The following WWOX variants were observed in gnomAD, a reference collection of about 807,000 sequenced individuals.
The protein encoded by WWOX is WW domain-containing oxidoreductase.
Under a neutral mutation model 46.2 loss-of-function variants are expected in WWOX, and 69 were observed. That is an observed-to-expected ratio of 1.49 (90% confidence interval 1.23 to 1.82). The LOEUF (loss-of-function observed/expected upper bound fraction) is 1.82. WWOX is among the 40% of genes most tolerant of loss of function. The probability of loss-of-function intolerance (pLI) is 0.00; values close to 1 mark genes in which losing one functional copy is unlikely to be tolerated. For synonymous variants in WWOX, 359 were observed against 202.6 expected (o/e 1.77, Z -6.56); for missense variants, 919 against 542.6 (o/e 1.69, Z -6.89).
chr16:78,309,943 T>C (rs548733608), intron 5 of WWOX, among the ~76,000 whole-genome samples: 25 of 152,226 alleles, frequency 1.6e-4, no homozygotes, highest in Admixed American at 4.6e-4. Context: ...AGGATTAAAT[T>C]AGGTTATATG....
At chr16:78,701,271 C>G (rs1031745393) in intron 8 of WWOX, among the ~76,000 whole-genome samples, 1 of 152,084 alleles carries the variant, frequency 6.6e-6, no homozygotes, top group African/African-American at 2.4e-5. Flanking sequence ...AAGACAGGGT[C>G]TTGTTATGTT....
chr16:78,942,753 T>C (rs1003501999), intron 8 of WWOX, among the ~76,000 whole-genome samples: 3 of 152,136 alleles, frequency 2.0e-5, no homozygotes, highest in African/African-American at 7.2e-5. Context: ...TTTTGAGACA[T>C]CATTGTGCAG....
At chr16:78,336,952 G>C (rs980553003) in intron 5 of WWOX, among the ~76,000 whole-genome samples, 3 of 151,816 alleles carry the variant, frequency 2.0e-5, no homozygotes, top group Non-Finnish European at 1.5e-5. Flanking sequence ...CTAATTTTTT[G>C]TATTTTTTAG....
Position 78,115,523 on chromosome 16 carries a change from A to G in WWOX, c.409+369A>G, listed in dbSNP as rs945064234. 3.3e-5 allele frequency among the ~76,000 whole-genome samples: 5 copies of G among 152,232 alleles called. No individual in the cohort carries two copies. The South Asian group carries it at 6.2e-4, about 19-fold the overall frequency. Reference sequence around the variant, plus strand: ...ATTGATTGGTAATAGAATACGGGGAACAACAAGGTATTATGTCTTTGGAAC... The same window carrying G: ...ATTGATTGGTAATAGAATACGGGGAGCAACAAGGTATTATGTCTTTGGAAC... On this transcript the variant is annotated intron_variant, in intron 4 of 8. Transcript: ENST00000566780.
chr16:78,937,415 A>T (rs1291065953), intron 8 of WWOX, among the ~76,000 whole-genome samples: 3 of 148,090 alleles, frequency 2.0e-5, no homozygotes, highest in African/African-American at 7.5e-5. Context: ...GAGGTGCTAA[A>T]CATACCTTTA....
chr16:78,928,178 AACTATGCTTTTCCCTACCACTTTTCTTTT>A (rs1392105922), intron 8 of WWOX, among the ~76,000 whole-genome samples: 1 of 151,508 alleles, frequency 6.6e-6, no homozygotes, highest in Non-Finnish European at 1.5e-5. Flanking sequence ...AAGTGTTTGG[AACTATGCTTTTCCCTACCACTTTTCTTTT>A]TTTTTTTTTT....
chr16:79,189,354 C>A (rs372800588), intron 8 of WWOX, among the ~76,000 whole-genome samples: 2 of 151,512 alleles, frequency 1.3e-5, no homozygotes, highest in African/African-American at 4.9e-5. Context: ...ACTTCCCAGG[C>A]TTAGGTGATC....
At chr16:79,077,319 G>C (rs192938537) in intron 8 of WWOX, 2 of 152,224 alleles carry the variant, frequency 1.3e-5, no homozygotes, top group East Asian at 3.9e-4. Context: ...GAATTTCAGC[G>C]TGGAACAGGG....
chr16:78,675,578 C>A (rs2047577081), intron 8 of WWOX, among the ~76,000 whole-genome samples: 1 of 152,154 alleles, frequency 6.6e-6, no homozygotes, highest in African/African-American at 2.4e-5. Context: ...GATGGCTCCA[C>A]AGAGCAGTGA....
intron 8 of WWOX, among the ~76,000 whole-genome samples, chr16:78,475,535 C>G (rs955098835): frequency 6.6e-6 from 1 of 152,144 alleles, no homozygotes; most frequent in Non-Finnish European, 1.5e-5. Flanking sequence ...TTGAAGATAA[C>G]TAGAGCCATG....
intron 6 of WWOX, among the ~76,000 whole-genome samples, chr16:78,408,672 T>C (rs370014126): frequency 1.6e-4 from 25 of 152,220 alleles, no homozygotes; most frequent in African/African-American, 6.0e-4. Flanking sequence ...CTTGACCTTG[T>C]AAAAGGTCTT....
chr16:78,387,026 G>T (rs2082075138), intron 6 of WWOX, 78 bp downstream of exon 6: 1 of 1,416,402 alleles, frequency 7.1e-7, no homozygotes, highest in African/African-American at 1.4e-5. Context: ...ACAATTGGGA[G>T]AATGCAAGGC....
chr16:78,979,158 TG>T (rs769364828), intron 8 of WWOX, among the ~76,000 whole-genome samples: 23 of 152,178 alleles, frequency 1.5e-4, no homozygotes, highest in Admixed American at 2.6e-4. Flanking sequence ...GGTCTTATCT[TG>T]TTTTATGCTA....
rs1448903824 is a variant in WWOX at position 78,756,292 on chromosome 16, A to G, written c.1056+323540A>G. 2.0e-5 allele frequency among the ~76,000 whole-genome samples: 3 copies of G among 152,086 alleles called. No individual in the cohort carries two copies. The East Asian group carries it at 5.8e-4, about 29-fold the overall frequency. Reference sequence around the variant, plus strand: ...GCAGACAGTTTTGTTCACTGTCAAAACTGGGTTTATCTAATGTGTATTTGA... The same window carrying G: ...GCAGACAGTTTTGTTCACTGTCAAAGCTGGGTTTATCTAATGTGTATTTGA... On this transcript the variant is annotated intron_variant, in intron 8 of 8. Transcript: ENST00000566780.
At chr16:78,490,031 G>A (rs1433644269) in intron 8 of WWOX, among the ~76,000 whole-genome samples, 3 of 152,060 alleles carry the variant, frequency 2.0e-5, no homozygotes, top group African/African-American at 4.8e-5. Context: ...AATACGGAGC[G>A]ACATAATTAA....
chr16:78,815,880 C>A (rs1013917774), intron 8 of WWOX, among the ~76,000 whole-genome samples: 1 of 152,102 alleles, frequency 6.6e-6, no homozygotes, highest in African/African-American at 2.4e-5. Flanking sequence ...TTGAGAGTGA[C>A]TTCCAAGATA....
chr16:78,790,020 A>T lies in WWOX; in HGVS notation c.1056+357268A>T, dbSNP rs563437628. 5.9e-5 allele frequency among the ~76,000 whole-genome samples: 9 copies of T among 152,352 alleles called. No homozygotes were observed. The South Asian group carries it at 1.0e-3, about 18-fold the overall frequency. ...AATAGTTGTTCTTTCCTTATTGGAC[A>T]CTCAAGAGGATTAAATATTATTCAT... On this transcript the variant is annotated intron_variant, in intron 8 of 8. Coordinates refer to ENST00000566780, the MANE Select transcript of WWOX (RefSeq NM_016373.4).
intron 8 of WWOX, among the ~76,000 whole-genome samples, chr16:78,447,684 G>T (rs1184611478): frequency 2.0e-5 from 3 of 152,212 alleles, no homozygotes; most frequent in African/African-American, 7.2e-5. Flanking sequence ...AACCATGCAG[G>T]ATTCCATTTC....
chr16:78,694,639 CA>C (rs1220277361), intron 8 of WWOX, among the ~76,000 whole-genome samples: 35 of 152,306 alleles, frequency 2.3e-4, no homozygotes. Context: ...TCTGCATGCC[CA>C]TGTAAATACT....
Sources: gnomAD v4.1 joint callset for allele counts (sites outside exome capture counted in the v4.1 genomes callset) on GRCh38, gnomAD v4.1.1 for gene constraint, MANE v1.5 for transcripts, NCBI Gene and HGNC (gene_info 2026-07-23, HGNC 2026-07-21) for gene names.